The following SCRG1 variants were observed in gnomAD, a reference collection of about 807,000 sequenced individuals.
SCRG1 encodes stimulator of chondrogenesis 1, also known as scrapie-responsive protein 1.
Under a neutral mutation model 7.7 loss-of-function variants are expected in SCRG1, and 3 were observed. The observed-to-expected ratio is 0.39, with a 90% CI of 0.18 to 1.01. The LOEUF is 1.01. Among genes scored for constraint, SCRG1 ranks in the 50% least tolerant of loss-of-function variants. The pLI is 0.36. For synonymous variants in SCRG1, 46 were observed against 41.2 expected (o/e 1.12, Z -0.44); for missense variants, 110 against 117.2 (o/e 0.94, Z 0.28).
At chr4:173,517,875 G>T in the SCRG1 span, among the ~76,000 whole-genome samples, 1 of 152,236 alleles carries the variant, frequency 6.6e-6, no homozygotes, top group Non-Finnish European at 1.5e-5. Flanking sequence ...TGCAAAAGGC[G>T]AAAGCTCCCT....
At chr4:173,504,011 C>CTG in the SCRG1 span, among the ~76,000 whole-genome samples, 1 of 152,304 alleles carries the variant, frequency 6.6e-6, no homozygotes, top group South Asian at 2.1e-4. The surrounding 1 kb of genome is among the most constrained non-coding windows in gnomAD (Gnocchi z 4.7). Flanking sequence ...TAATTGCATT[C>CTG]CAGTCCTGCA....
At chr4:173,459,859 A>G in the SCRG1 span, among the ~76,000 whole-genome samples, 2 of 151,844 alleles carry the variant, frequency 1.3e-5, no homozygotes, top group Non-Finnish European at 2.9e-5. Context: ...ACTATAGTTT[A>G]CAATAATTTA....
the SCRG1 span, among the ~76,000 whole-genome samples, chr4:173,499,862 G>T: frequency 6.6e-6 from 1 of 152,216 alleles, no homozygotes; most frequent in Non-Finnish European, 1.5e-5. This position sits in a 1 kb window ranked among gnomAD's most constrained non-coding sequence, Gnocchi z 4.1. Flanking sequence ...ACATGTTTTG[G>T]CAGGCCAGGC....
the SCRG1 span, among the ~76,000 whole-genome samples, chr4:173,433,564 T>G: frequency 0.99 from 150,672 of 152,284 alleles, 74,552 homozygotes; most frequent in Non-Finnish European, 1. Context: ...CGCTCTGGTC[T>G]GTGAGCTTCC....
At chr4:173,452,820 T>C in the SCRG1 span, among the ~76,000 whole-genome samples, 1 of 152,238 alleles carries the variant, frequency 6.6e-6, no homozygotes, top group East Asian at 1.9e-4. Context: ...CAAAACTTCT[T>C]GTGTACTTAG....
chr4:173,468,599 T>G, the SCRG1 span: 2 of 152,232 alleles, frequency 1.3e-5, no homozygotes, highest in Non-Finnish European at 1.5e-5. Context: ...GGCTAGGCTC[T>G]CTACCCTATT....
chr4:173,476,213 A>G, the SCRG1 span, among the ~76,000 whole-genome samples: 1 of 151,480 alleles, frequency 6.6e-6, no homozygotes, highest in African/African-American at 2.4e-5. Flanking sequence ...GGGAAGAAGC[A>G]TGGTGGGCAA....
At position 173,386,621 on chromosome 4, in the gene SCRG1, T is replaced by G. The variant is rs1012931435; in HGVS notation, c.*1720A>C. 6.6e-6 allele frequency: 1 copy of G among 152,142 alleles called. No homozygotes were observed. Among genetic ancestry groups the G allele is most frequent in the African/African-American group, 2.4e-5 (1 of 41,418 alleles). 9.4% of individuals were successfully genotyped at this position (152,142 alleles called of 1,614,324 possible). A position where few individuals can be genotyped will look rare whatever the true frequency, so the allele number is the denominator to read the frequency against. On this transcript the variant is annotated 3_prime_UTR_variant, in exon 3 of 3. Coordinates refer to ENST00000296506, the MANE Select transcript of SCRG1 (RefSeq NM_007281.4). ...ATACCAGATACTGTTCTGGGTGTGGTCTCCAGAAACAGATCAGGGACCTCC... is the reference window on the plus strand; with the variant it reads ...ATACCAGATACTGTTCTGGGTGTGGGCTCCAGAAACAGATCAGGGACCTCC...
chr4:173,418,202 C>T, the SCRG1 span, among the ~76,000 whole-genome samples: 1 of 152,224 alleles, frequency 6.6e-6, no homozygotes, highest in Non-Finnish European at 1.5e-5. Flanking sequence ...ATACATTGCC[C>T]TCCCTGCATT....
the SCRG1 span, among the ~76,000 whole-genome samples, chr4:173,460,452 T>G: frequency 6.6e-6 from 1 of 152,208 alleles, no homozygotes. Flanking sequence ...AGGAAGACTT[T>G]GTCTTACATC....
intron 2 of SCRG1, chr4:173,389,982 G>T (rs1739377280): frequency 4.0e-6 from 1 of 251,948 alleles, no homozygotes; most frequent in Admixed American, 4.4e-5. Flanking sequence ...AGGGGGAAAT[G>T]ATTTTAAAAT....
intron 2 of SCRG1, among the ~76,000 whole-genome samples, chr4:173,389,253 G>A (rs1467837077): frequency 1.3e-5 from 2 of 151,672 alleles, no homozygotes; most frequent in African/African-American, 4.8e-5. Context: ...GCTGGGTCCC[G>A]GCCGGGCGCA....
the SCRG1 span, among the ~76,000 whole-genome samples, chr4:173,490,730 TC>T: frequency 6.6e-6 from 1 of 152,174 alleles, no homozygotes; most frequent in African/African-American, 2.4e-5. Flanking sequence ...GTTTATAACC[TC>T]TCCTAATATT....
At chr4:173,448,295 C>T in the SCRG1 span, among the ~76,000 whole-genome samples, 1 of 152,234 alleles carries the variant, frequency 6.6e-6, no homozygotes, top group Non-Finnish European at 1.5e-5. Flanking sequence ...ATCTGCCATG[C>T]TCTTGAGCAT....
At chr4:173,454,299 G>A in the SCRG1 span, among the ~76,000 whole-genome samples, 1 of 152,028 alleles carries the variant, frequency 6.6e-6, no homozygotes, top group African/African-American at 2.4e-5. Flanking sequence ...GTTTCTGGAA[G>A]GCCTGGAGAA....
At chr4:173,509,484 G>A in the SCRG1 span, among the ~76,000 whole-genome samples, 1 of 152,194 alleles carries the variant, frequency 6.6e-6, no homozygotes, top group Non-Finnish European at 1.5e-5. The surrounding 1 kb of genome is among the most constrained non-coding windows in gnomAD (Gnocchi z 5.7). Flanking sequence ...GCCGGCCTCT[G>A]CCCCCGGCCT....
At chr4:173,476,857 C>G in the SCRG1 span, among the ~76,000 whole-genome samples, 2 of 152,108 alleles carry the variant, frequency 1.3e-5, no homozygotes, top group African/African-American at 4.8e-5. Context: ...TAAAAAGAAG[C>G]CAGTATTACA....
At chr4:173,507,197 C>CTGTT in the SCRG1 span, among the ~76,000 whole-genome samples, 10,328 of 151,354 alleles carry the variant, frequency 0.068, 1,010 homozygotes, top group African/African-American at 0.22. This position sits in a 1 kb window ranked among gnomAD's most constrained non-coding sequence, Gnocchi z 4.4. Flanking sequence ...CCCTGTTTTT[C>CTGTT]TGTTTGTTTG....
chr4:173,484,238 T>C, the SCRG1 span, among the ~76,000 whole-genome samples: 2 of 94,802 alleles, frequency 2.1e-5, no homozygotes, highest in Non-Finnish European at 3.6e-5. Context: ...TATATATTTA[T>C]ATATTATATA....
Sources: gnomAD v4.1 joint callset for allele counts (sites outside exome capture counted in the v4.1 genomes callset) on GRCh38, gnomAD v4.1.1 for gene constraint, Gnocchi (gnomAD v3.1) non-coding constraint, MANE v1.5 for transcripts, NCBI Gene and HGNC (gene_info 2026-07-23, HGNC 2026-07-21) for gene names.